ITLN2: variants seen among roughly 807,000 people sequenced by gnomAD.
The protein encoded by ITLN2 is intelectin 2.
In ITLN2, 29 loss-of-function variants were observed where a neutral mutation model predicts 39.4. That is an observed-to-expected ratio of 0.74 (90% CI 0.55 to 1.00). The LOEUF (loss-of-function observed/expected upper bound fraction) is 1.00, where lower values mean the gene tolerates loss of function less well. Among genes scored for constraint, ITLN2 ranks in the 50% least tolerant of loss-of-function variants. The pLI is 0.00. For missense variants in ITLN2, 412 were observed against 416.7 expected, an observed-to-expected ratio of 0.99 and a Z score of 0.10; for synonymous variants, 156 against 153.4, an observed-to-expected ratio of 1.02 and a Z score of -0.12.
At chr1:160,952,907 T>A (rs1671777526) in intron 2 of ITLN2, among the ~76,000 whole-genome samples, 174 bp from the exon 3 acceptor site, 1 of 152,194 alleles carries the variant, frequency 6.6e-6, no homozygotes, top group Admixed American at 6.5e-5. Flanking sequence ...ACACCTGGAA[T>A]CTTCCACTCG....
rs140378822 is a variant in ITLN2, at chr1:160,945,266, G to A, written c.852C>T (p.Phe284=). 77 of 1,584,072 alleles carry A rather than the reference G, an allele frequency of 4.9e-5. No individual in the cohort carries two copies. The East Asian group carries it at 1.5e-3, about 30-fold the overall frequency. Residue 284 remains phenylalanine (F), a synonymous_variant, in exon 8 of 8, where the codon TTC becomes TTT. Coordinates refer to ENST00000368029, the MANE Select transcript of ITLN2 (RefSeq NM_080878.3). ...EHHCIGGGGF[F]PQGKPRQCGD... ...CACACTGACGGGGTTTGCCCTGTGG[G>A]AAGAACCCTCCTCCACCGATGCAGT...
chr1:160,945,215 A>T lies in ITLN2; in HGVS notation c.903T>A (p.Asp301Glu), dbSNP rs1042193523. Residue 301 changes from aspartate (D) to glutamate (E), a missense_variant, in exon 8 of 8, where the codon GAT becomes GAA. By Grantham distance (45) the Asp-to-Glu change is conservative. Coordinates refer to ENST00000368029, the MANE Select transcript of ITLN2 (RefSeq NM_080878.3). ...TGCTCTTAACGTGAGTTCCATATCC[A>T]TCCCAGTCAAAGGCGGAGAAGTCCC... ...QCGDFSAFDWDGYGTHVKSSC... is the reference protein window; with the variant it reads ...QCGDFSAFDWEGYGTHVKSSC... 67 of 1,607,812 alleles carry T rather than the reference A, an allele frequency of 4.2e-5. No homozygotes were observed. The highest frequency in any genetic ancestry group is 5.3e-5 in the Non-Finnish European group (62 of 1,178,484).
chr1:160,950,768 G>A (rs1671723807), intron 4 of ITLN2, 57 bp from the exon 5 acceptor site: 1 of 1,572,510 alleles, frequency 6.4e-7, no homozygotes, highest in Admixed American at 1.8e-5. Context: ...GAGGCAGAAG[G>A]TCCACATGTG....
intron 2 of ITLN2, among the ~76,000 whole-genome samples, chr1:160,953,385 CA>C (rs1382617003): frequency 6.6e-6 from 1 of 152,134 alleles, no homozygotes; most frequent in African/African-American, 2.4e-5. Context: ...GAAATCATTC[CA>C]AAAGCCTGGC....
At chr1:160,946,539 G>A (rs780626794) in intron 7 of ITLN2, among the ~76,000 whole-genome samples, 19 of 151,240 alleles carry the variant, frequency 1.3e-4, no homozygotes, top group Non-Finnish European at 2.1e-4. Flanking sequence ...GTGAAACCCC[G>A]TCTCTACTAA....
intron 4 of ITLN2, 90 bp downstream of exon 4, chr1:160,950,953 C>G: frequency 6.2e-7 from 1 of 1,606,512 alleles, no homozygotes; most frequent in South Asian, 1.1e-5. Flanking sequence ...TTCCCCATAT[C>G]CCCACCTTCC....
chr1:160,948,905 G>A (rs1671668545), intron 6 of ITLN2: 1 of 152,212 alleles, frequency 6.6e-6, no homozygotes, highest in Admixed American at 6.5e-5. Context: ...AAGAGACACA[G>A]CGACAAAGTA....
chr1:160,952,301 TTGTCTC>T (rs1671762234), intron 3 of ITLN2, among the ~76,000 whole-genome samples: 1 of 152,206 alleles, frequency 6.6e-6, no homozygotes, highest in South Asian at 2.1e-4. Flanking sequence ...ATAAAGCTCT[TTGTCTC>T]TGGCTCGGGA....
Position 160,951,138 on chromosome 1 carries a change from G to A in ITLN2, c.346C>T (p.Gln116Ter), listed in dbSNP as rs1671732929. Residue 116 changes from glutamine to a stop codon, truncating the protein, a stop_gained, in exon 4 of 8, where the codon CAG (glutamine) becomes TAG (stop). Transcript: ENST00000368029. LOFTEE classifies it high-confidence loss of function. The stretch of plus-strand genomic sequence containing the variant: ...TCTGGGTAGTCTGCTTTGTTGCCCT[G>A]CTGACTGGACCAGCGATCACCCACC... ...CTVGDRWSSQ[Q>*]GNKADYPEGD... The A allele has an allele frequency of 6.2e-7, 1 of 1,614,070 alleles. No individual in the cohort carries two copies. Among genetic ancestry groups the A allele is most frequent in the African/African-American group, 1.3e-5 (1 of 74,920 alleles).
In ITLN2 at chr1:160,945,353, G is replaced by C. The variant is rs926531579; in HGVS notation, c.826-61C>G. On this transcript the variant is annotated intron_variant, in intron 7 of 7. Coordinates refer to ENST00000368029, the MANE Select transcript of ITLN2 (RefSeq NM_080878.3). ...TGATTTGCTGCTGACACCAGTGAGC[G>C]CAAGGCTGGTCTCGAACTCCAGACC... 6.3e-6 allele frequency: 9 copies of C among 1,437,566 alleles called. No homozygotes were observed. In the African/African-American group the frequency reaches 7.3e-5, roughly 12 times the overall value. The allele number at this position is 1,437,566 out of a possible 1,614,324, so 89.1% of individuals were successfully genotyped here.
rs147707081 is a variant in ITLN2, at chr1:160,951,190, G to A, written c.294C>T (p.His98=). 6.3e-5 allele frequency: 102 copies of A among 1,613,888 alleles called. No individual in the cohort carries two copies. In the African/African-American group the frequency reaches 8.3e-4, roughly 13 times the overall value. The change falls in exon 4 of 8, where the codon CAC becomes CAT. Residue 98 remains histidine (H), a synonymous_variant. Transcript: ENST00000368029. ...GGGWTLVASV[H]ENDMRGKCTV... is the part of the protein sequence containing the mutation. ...TGCACTTCCCACGCATGTCATTCTC[G>A]TGCACGCTGGCCACCAGGGTCCAGC... is the stretch of plus-strand genomic sequence containing the variant.
In ITLN2 at chr1:160,950,584, C is replaced by A. The variant is rs771418333; in HGVS notation, c.569G>T (p.Arg190Ile). Residue 190 changes from arginine (R) to isoleucine (I), a missense_variant, in exon 5 of 8, where the codon AGA becomes ATA. Coordinates refer to ENST00000368029, the MANE Select transcript of ITLN2 (RefSeq NM_080878.3). ...GATGCCAAACAGATTATGTCCCAGT[C>A]TCTGGAGGAAGCCAGTGTTGGTGCG... ...RYRTNTGFLQ[R>I]LGHNLFGIYQ... is the part of the protein sequence containing the mutation. 8 of 1,614,202 alleles carry A rather than the reference C, an allele frequency of 5.0e-6. No individual in the cohort carries two copies. The highest frequency in any genetic ancestry group is 8.5e-7 in the Non-Finnish European group (1 of 1,180,024).
At position 160,951,035 on chromosome 1, in the gene ITLN2, G is replaced by T. The variant is rs758807571; in HGVS notation, c.441+8C>A. 2.1e-5 allele frequency: 34 copies of T among 1,614,066 alleles called. No homozygotes were observed. The East Asian group carries it at 6.9e-4, about 33-fold the overall frequency. Reference sequence around the variant, plus strand: ...CCCTCACCCAAGTAGGAGAGAAGTGGCACCAACCTTGTAGTCATCGCTCGT... The same window carrying T: ...CCCTCACCCAAGTAGGAGAGAAGTGTCACCAACCTTGTAGTCATCGCTCGT... On this transcript the variant is annotated splice_region_variant and intron_variant, in intron 4 of 7. Coordinates refer to ENST00000368029, the MANE Select transcript of ITLN2 (RefSeq NM_080878.3).
intron 6 of ITLN2, chr1:160,949,315 A>G (rs1462988423): frequency 3.3e-5 from 5 of 152,206 alleles, no homozygotes; most frequent in Non-Finnish European, 7.3e-5. Flanking sequence ...CCTTCCTCTT[A>G]TCTCAACTGC....
chr1:160,951,976 C>T (rs1671756371), intron 3 of ITLN2, among the ~76,000 whole-genome samples: 1 of 152,210 alleles, frequency 6.6e-6, no homozygotes, highest in Admixed American at 6.5e-5. Flanking sequence ...CTCACCCCCA[C>T]CCCGTAGGGT....
chr1:160,951,272 C>A lies in ITLN2; in HGVS notation c.212G>T (p.Arg71Leu), dbSNP rs150936339. 1 of 1,589,242 alleles carries A rather than the reference C, an allele frequency of 6.3e-7. No homozygotes were observed. The highest frequency in any genetic ancestry group is 8.6e-7 in the Non-Finnish European group (1 of 1,166,414). ...HSAGDGLYFL[R>L]TKNGVVYQTF... ...CTGGTAGACAACACCATTCTTGGTG[C>A]GGAGAAAATACAGGCCATCTGTAGA... Residue 71 changes from arginine to leucine, a missense_variant, in exon 4 of 8, where the codon CGC (arginine) becomes CTC (leucine). Coordinates refer to ENST00000368029, the MANE Select transcript of ITLN2 (RefSeq NM_080878.3).
Position 160,950,713 on chromosome 1 carries a change from T to C in ITLN2, c.442-2A>G. ...CTGGATGTCGTAGTAGCCAGGGTTC[T>C]GGAAAGCAACAGACACTGAGCCTGA... On this transcript the variant is annotated splice_acceptor_variant, in intron 4 of 7. Coordinates refer to ENST00000368029, the MANE Select transcript of ITLN2 (RefSeq NM_080878.3). LOFTEE classifies it high-confidence loss of function. The C allele has an allele frequency of 6.2e-7, 1 of 1,611,100 alleles. No homozygotes were observed. The highest frequency in any genetic ancestry group is 8.5e-7 in the Non-Finnish European group (1 of 1,178,398).
At chr1:160,947,475 T>G (rs1671632009) in intron 7 of ITLN2, among the ~76,000 whole-genome samples, 1 of 152,140 alleles carries the variant, frequency 6.6e-6, no homozygotes, top group African/African-American at 2.4e-5. Context: ...CACAGACCCT[T>G]TACGGGTGTC....
rs1225345067 is a variant in ITLN2 at position 160,952,607 on chromosome 1, G to A, written c.193+13C>T. The A allele has an allele frequency of 6.3e-7, 1 of 1,584,010 alleles. No individual in the cohort carries two copies. The highest frequency in any genetic ancestry group is 1.7e-5 in the Admixed American group (1 of 59,950). ...GCTTCAAAGAGAGAATGCTGAGTTGGTTCATTACTCACCACCTGCACTATG... is the reference window on the plus strand; with the variant it reads ...GCTTCAAAGAGAGAATGCTGAGTTGATTCATTACTCACCACCTGCACTATG... On this transcript the variant is annotated intron_variant, in intron 3 of 7. Coordinates refer to ENST00000368029, the MANE Select transcript of ITLN2 (RefSeq NM_080878.3).
Sources: allele counts gnomAD v4.1 joint callset (sites outside exome capture counted in the v4.1 genomes callset), GRCh38; gene constraint gnomAD v4.1.1; transcripts MANE v1.5; gene names NCBI Gene and HGNC (gene_info 2026-07-23, HGNC 2026-07-21).